WDPCP: variants seen among roughly 807,000 people sequenced by gnomAD.
The protein encoded by WDPCP is WD repeat containing planar cell polarity effector.
A neutral mutation model predicts 93.1 loss-of-function variants in WDPCP; 71 were observed. That is an observed-to-expected ratio of 0.76 (90% confidence interval 0.63 to 0.93). The LOEUF (loss-of-function observed/expected upper bound fraction) is 0.93. Ranked by LOEUF, WDPCP falls within the 40% of genes least tolerant of loss-of-function variation. WDPCP has a pLI of 0.00. For synonymous variants in WDPCP, 315 were observed against 315.0 expected, an observed-to-expected ratio of 1.00 and a Z score of 0.00; for missense variants, 844 against 887.4, an observed-to-expected ratio of 0.95 and a Z score of 0.62.
At position 63,313,502 on chromosome 2, in the gene WDPCP, C is replaced by T. The variant is rs138621441; in HGVS notation, c.1749-191G>A. Among the ~76,000 whole-genome samples the T allele has an allele frequency of 5.2e-3, 795 of 152,224 alleles. 11 individuals carry two copies. The highest frequency in any genetic ancestry group is 0.017 in the African/African-American group (724 of 41,538). On this transcript the variant is annotated intron_variant, in intron 12 of 17. Coordinates refer to ENST00000272321, the MANE Select transcript of WDPCP (RefSeq NM_015910.7). ...TTATTACATTTAGGAGGGGCTGAGG[C>T]GCAGAGCCTGTGGAGGCCTTAAGTA... is the stretch of plus-strand genomic sequence containing the variant.
intron 16 of WDPCP, among the ~76,000 whole-genome samples, chr2:63,153,292 C>T (rs1672003774): frequency 6.6e-6 from 1 of 152,088 alleles, no homozygotes; most frequent in African/African-American, 2.4e-5. Flanking sequence ...CCAAATTTAT[C>T]TATATTTATT....
chr2:63,751,561 C>T, intron 2 of WDPCP: 1 of 394,038 alleles, frequency 2.5e-6, no homozygotes. Flanking sequence ...TAAAACATGT[C>T]TTTTTTTTTA....
chr2:63,588,859 T>A, upstream of WDPCP: 1 of 618,826 alleles, frequency 1.6e-6, no homozygotes, highest in Non-Finnish European at 2.8e-6. Context: ...TTGAAGGAAA[T>A]GCTTTGGAGA....
chr2:63,595,599 C>G (rs1709295557), intron 3 of WDPCP: 2 of 830,956 alleles, frequency 2.4e-6, no homozygotes, highest in African/African-American at 1.7e-5. Context: ...GTTAAAGGCT[C>G]TCAATTAGAA....
At chr2:63,642,017 C>T (rs914478784) in intron 3 of WDPCP, among the ~76,000 whole-genome samples, 1 of 152,106 alleles carries the variant, frequency 6.6e-6, no homozygotes, top group Non-Finnish European at 1.5e-5. Flanking sequence ...TATGAATATG[C>T]ATTTTTCCCA....
intron 12 of WDPCP, among the ~76,000 whole-genome samples, chr2:63,372,606 T>G (rs1233472700): frequency 6.6e-6 from 1 of 152,208 alleles, no homozygotes; most frequent in African/African-American, 2.4e-5. Context: ...TATACAGTAT[T>G]GTTCAAATCT....
chr2:63,568,927 G>C (rs1707275580), intron 1 of WDPCP, among the ~76,000 whole-genome samples: 1 of 152,210 alleles, frequency 6.6e-6, no homozygotes, highest in Admixed American at 6.5e-5. Context: ...ATTTAAGAAT[G>C]TTAGCACAGG....
At chr2:63,698,999 C>T (rs1236780573) in intron 2 of WDPCP, among the ~76,000 whole-genome samples, 5 of 152,216 alleles carry the variant, frequency 3.3e-5, no homozygotes, top group Admixed American at 2.6e-4. Flanking sequence ...AGGCCCCACC[C>T]TTCCAAGACA....
At position 63,686,708 on chromosome 2, in the gene WDPCP, C is replaced by T. The variant is rs374278849; in HGVS notation, n.309-35870G>A. ...ATAGTAACCAAAACAGAATGGTACT[C>T]GCATAAAAACAAACACATAGACTAA... is the stretch of plus-strand genomic sequence containing the variant. On this transcript the variant is annotated intron_variant and non_coding_transcript_variant, in intron 2 of 4. Transcript: ENST00000467687. 1.4e-4 allele frequency among the ~76,000 whole-genome samples: 22 copies of T among 152,160 alleles called. No homozygotes were observed. In the East Asian group the frequency reaches 1.5e-3, roughly 11 times the overall value.
intron 9 of WDPCP, among the ~76,000 whole-genome samples, chr2:63,432,182 A>G (rs1253024323): frequency 6.6e-6 from 1 of 152,188 alleles, no homozygotes. Flanking sequence ...AGAGCTAATA[A>G]TATCAACTCT....
chr2:63,588,087 G>A, intron 1 of WDPCP, 110 bp downstream of exon 1: 1 of 1,313,578 alleles, frequency 7.6e-7, no homozygotes, highest in South Asian at 1.3e-5. Context: ...AGGGACCGGC[G>A]AGCTTGCAGG....
intron 2 of WDPCP, among the ~76,000 whole-genome samples, chr2:63,733,182 GA>G (rs1166873011): frequency 4.6e-5 from 6 of 129,434 alleles, no homozygotes; most frequent in Non-Finnish European, 8.0e-5. Flanking sequence ...ACAAATAAAT[GA>G]TTTTTTTTTT....
At chr2:63,642,043 G>A (rs925325629) in intron 3 of WDPCP, among the ~76,000 whole-genome samples, 2 of 152,058 alleles carry the variant, frequency 1.3e-5, no homozygotes, top group African/African-American at 4.8e-5. Flanking sequence ...ATTTATTGAA[G>A]AGACTTTTTC....
chr2:63,148,845 A>C (rs1486359014), intron 17 of WDPCP, among the ~76,000 whole-genome samples: 1 of 123,096 alleles, frequency 8.1e-6, no homozygotes, highest in Non-Finnish European at 1.7e-5. Flanking sequence ...AATAGGGTTA[A>C]AAGGACACAG....
upstream of WDPCP, chr2:63,588,720 C>T (rs974471410): frequency 8.0e-6 from 4 of 497,180 alleles, no homozygotes; most frequent in Non-Finnish European, 1.5e-5. Flanking sequence ...CTCCTGAGCC[C>T]AAACCATCCG....
At chr2:63,300,142 GC>G (rs1685212579) in intron 13 of WDPCP, among the ~76,000 whole-genome samples, 1 of 151,382 alleles carries the variant, frequency 6.6e-6, no homozygotes, top group Admixed American at 6.6e-5. Flanking sequence ...GGCCCTTTCT[GC>G]TAGGAGACCT....
intron 6 of WDPCP, among the ~76,000 whole-genome samples, chr2:63,472,652 G>A (rs1468924402): frequency 2.0e-5 from 3 of 151,872 alleles, no homozygotes; most frequent in Admixed American, 1.3e-4. Context: ...ACAGTAGTGC[G>A]ATCTTGGCTC....
chr2:63,185,240 G>A (rs1674533323), intron 14 of WDPCP, among the ~76,000 whole-genome samples: 1 of 152,152 alleles, frequency 6.6e-6, no homozygotes, highest in Non-Finnish European at 1.5e-5. Flanking sequence ...CTTTTGGTCA[G>A]CATCCATTGC....
At chr2:63,489,615 C>T (rs2105931045) in intron 2 of WDPCP, among the ~76,000 whole-genome samples, 1 of 152,100 alleles carries the variant, frequency 6.6e-6, no homozygotes, top group African/African-American at 2.4e-5. Flanking sequence ...TTAAAGTGCT[C>T]AGATTTTGAC....
Sources: allele counts gnomAD v4.1 joint callset (sites outside exome capture counted in the v4.1 genomes callset), GRCh38; gene constraint gnomAD v4.1.1; transcripts MANE v1.5; gene names NCBI Gene and HGNC (gene_info 2026-07-23, HGNC 2026-07-21).